Variants in NADK2 observed in about 807,000 individuals in gnomAD.
NADK2 encodes NAD kinase 2, mitochondrial, also known as NAD kinase domain-containing protein 1, mitochondrial.
In NADK2, 35 loss-of-function variants were observed where a neutral mutation model predicts 62.1. The observed-to-expected ratio is 0.56, with a 90% CI of 0.43 to 0.75. The LOEUF is 0.75. Ranked by LOEUF, NADK2 falls within the 30% of genes least tolerant of loss-of-function variation. The probability of loss-of-function intolerance (pLI) is 0.00; values close to 1 mark genes in which losing one functional copy is unlikely to be tolerated. For missense variants in NADK2, 439 were observed against 561.3 expected, an observed-to-expected ratio of 0.78 and a Z score of 2.20; for synonymous variants, 205 against 207.9, an observed-to-expected ratio of 0.99 and a Z score of 0.12.
At chr5:36,212,369 A>T (rs1364660056) in intron 6 of NADK2, 1 of 152,644 alleles carries the variant, frequency 6.6e-6, no homozygotes, top group Middle Eastern at 3.2e-3. Context: ...TTTTTTCCAA[A>T]TAAGGAAACC....
At chr5:36,206,184 C>T (rs1746628606) in intron 8 of NADK2, among the ~76,000 whole-genome samples, 2 of 151,736 alleles carry the variant, frequency 1.3e-5, no homozygotes, top group African/African-American at 4.8e-5. Context: ...AGGAGAAATA[C>T]CTAATGTAAA....
chr5:36,237,372 T>C (rs1200410981), intron 1 of NADK2, among the ~76,000 whole-genome samples: 1 of 152,140 alleles, frequency 6.6e-6, no homozygotes, highest in Non-Finnish European at 1.5e-5. Context: ...TTAAATAGTA[T>C]ATTATCATTG....
At chr5:36,234,086 ATTAATGGGC>A (rs1218157775) in intron 1 of NADK2, among the ~76,000 whole-genome samples, 1 of 152,122 alleles carries the variant, frequency 6.6e-6, no homozygotes, top group African/African-American at 2.4e-5. Context: ...GTTAAAATGT[ATTAATGGGC>A]CAGGCGCGGT....
In NADK2 at chr5:36,214,231, G is replaced by A. The variant is rs138058647; in HGVS notation, c.782-2309C>T. 5.5e-3 allele frequency among the ~76,000 whole-genome samples: 844 copies of A among 152,184 alleles called. 10 individuals carry two copies. Among genetic ancestry groups the A allele is most frequent in the African/African-American group, 0.02 (816 of 41,532 alleles). ...AGTTTAGCTCTTGTTGCCCAGGCTGGAGTGCGATGGCACAATCTCGGCTCA... is the reference window on the plus strand; with the variant it reads ...AGTTTAGCTCTTGTTGCCCAGGCTGAAGTGCGATGGCACAATCTCGGCTCA... On this transcript the variant is annotated intron_variant, in intron 6 of 11. Coordinates refer to ENST00000381937, the MANE Select transcript of NADK2 (RefSeq NM_001085411.3).
chr5:36,212,111 C>T (rs543940254), intron 6 of NADK2, among the ~76,000 whole-genome samples, 189 bp from the exon 7 acceptor site: 3 of 152,272 alleles, frequency 2.0e-5, no homozygotes, highest in African/African-American at 7.2e-5. Flanking sequence ...GGAACCTAAA[C>T]TTACACCTGT....
intron 8 of NADK2, among the ~76,000 whole-genome samples, chr5:36,202,750 C>T (rs1163132143): frequency 1.3e-5 from 2 of 152,094 alleles, no homozygotes; most frequent in African/African-American, 2.4e-5. Flanking sequence ...AGCACAGCAA[C>T]CGGAGGAGCT....
chr5:36,238,059 T>A (rs913940776), intron 1 of NADK2, among the ~76,000 whole-genome samples: 1 of 152,186 alleles, frequency 6.6e-6, no homozygotes, highest in Non-Finnish European at 1.5e-5. Flanking sequence ...GAGCAAGGAT[T>A]CAGTTAGAAA....
chr5:36,232,799 A>G (rs986724448), intron 1 of NADK2, among the ~76,000 whole-genome samples: 1 of 152,082 alleles, frequency 6.6e-6, no homozygotes, highest in African/African-American at 2.4e-5. Context: ...CACTCCAGGA[A>G]ACTCACCTAC....
At chr5:36,202,910 G>A (rs1303985763) in intron 8 of NADK2, among the ~76,000 whole-genome samples, 1 of 152,034 alleles carries the variant, frequency 6.6e-6, no homozygotes, top group African/African-American at 2.4e-5. Flanking sequence ...ACTGAGATTG[G>A]TGGTTTATCT....
Position 36,217,888 on chromosome 5 carries a change from A to C in NADK2, c.645-4T>G. 6.2e-7 allele frequency: 1 copy of C among 1,612,014 alleles called. No individual in the cohort carries two copies. Among genetic ancestry groups the C allele is most frequent in the South Asian group, 1.1e-5 (1 of 90,820 alleles). ...GATTCTCTGCCTCCACAACCACCTT[A>C]GAAAAATGAAGAAAAGGCAAATTAT... On this transcript the variant is annotated splice_polypyrimidine_tract_variant and splice_region_variant and intron_variant, in intron 5 of 11. Coordinates refer to ENST00000381937, the MANE Select transcript of NADK2 (RefSeq NM_001085411.3).
intron 11 of NADK2, 37 bp from the exon 12 acceptor site, chr5:36,195,319 T>C (rs766367370): frequency 5.8e-6 from 9 of 1,554,708 alleles, no homozygotes. Flanking sequence ...ATAGTAATAG[T>C]TTTCTTAATA....
intron 7 of NADK2, chr5:36,208,504 T>C: frequency 1.5e-6 from 1 of 687,344 alleles, no homozygotes; most frequent in Non-Finnish European, 2.4e-6. Flanking sequence ...TGAGAGATGC[T>C]CAGCCCAAAA....
chr5:36,231,249 A>C (rs1450977129), intron 1 of NADK2, among the ~76,000 whole-genome samples: 1 of 152,154 alleles, frequency 6.6e-6, no homozygotes, highest in Non-Finnish European at 1.5e-5. Flanking sequence ...GTGGGAGAAA[A>C]AGTTTTGGAG....
At position 36,225,644 on chromosome 5, in the gene NADK2, T is replaced by C. The variant is rs778357035; in HGVS notation, c.479-21A>G. On this transcript the variant is annotated intron_variant, in intron 3 of 11. Coordinates refer to ENST00000381937, the MANE Select transcript of NADK2 (RefSeq NM_001085411.3). ...ATCACCTAAGGAACATAAGACAAAA[T>C]ACAAGACATAACCAAATTTCTGTTA... The C allele has an allele frequency of 3.8e-6, 6 of 1,597,136 alleles. No individual in the cohort carries two copies. In the Admixed American group the frequency reaches 8.9e-5, roughly 24 times the overall value.
chr5:36,235,615 A>C (rs1488703427), intron 1 of NADK2, among the ~76,000 whole-genome samples: 1 of 152,142 alleles, frequency 6.6e-6, no homozygotes, highest in Non-Finnish European at 1.5e-5. Context: ...TGTTATATCC[A>C]TGCAGCCACA....
At chr5:36,232,895 C>T (rs1010339288) in intron 1 of NADK2, among the ~76,000 whole-genome samples, 5 of 152,178 alleles carry the variant, frequency 3.3e-5, no homozygotes, top group Non-Finnish European at 7.3e-5. Context: ...GCTACCTTTA[C>T]ATCCATCCAC....
chr5:36,216,839 A>C (rs1486935554), intron 6 of NADK2, among the ~76,000 whole-genome samples: 1 of 152,160 alleles, frequency 6.6e-6, no homozygotes, highest in Non-Finnish European at 1.5e-5. Flanking sequence ...TATTATTTTT[A>C]AATTGTACTT....
chr5:36,217,191 T>C (rs1747076078), intron 6 of NADK2, among the ~76,000 whole-genome samples: 1 of 152,140 alleles, frequency 6.6e-6, no homozygotes, highest in Admixed American at 6.5e-5. Context: ...TATTCTTGCA[T>C]CAATAAAGTC....
intron 1 of NADK2, among the ~76,000 whole-genome samples, chr5:36,231,946 A>T (rs748394556): frequency 5.9e-5 from 9 of 152,250 alleles, no homozygotes; most frequent in Middle Eastern, 3.4e-3. Context: ...TAAATAAATA[A>T]ATAAATAAAG....
Sources: gnomAD v4.1 joint callset for allele counts (sites outside exome capture counted in the v4.1 genomes callset) on GRCh38, gnomAD v4.1.1 for gene constraint, MANE v1.5 for transcripts, NCBI Gene and HGNC (gene_info 2026-07-23, HGNC 2026-07-21) for gene names.